The following FCHSD1 variants were observed in gnomAD, a reference collection of about 807,000 sequenced individuals.
FCHSD1 encodes the protein FCH and double SH3 domains 1.
A neutral mutation model predicts 101.3 loss-of-function variants in FCHSD1; 109 were observed. The observed-to-expected ratio is 1.08, with a 90% CI of 0.92 to 1.26. The LOEUF (loss-of-function observed/expected upper bound fraction) is 1.26, where lower values mean the gene tolerates loss of function less well. Ranked by LOEUF, FCHSD1 falls within the 50% of genes most tolerant of loss-of-function variation. The pLI, the probability that FCHSD1 is intolerant of heterozygous loss-of-function variation, is 0.00. For synonymous variants in FCHSD1, 291 were observed against 356.8 expected, an observed-to-expected ratio of 0.82 and a Z score of 2.08; for missense variants, 820 against 895.8, an observed-to-expected ratio of 0.92 and a Z score of 1.08.
chr5:141,644,580 C>A lies in FCHSD1; in HGVS notation c.1635G>T (p.Glu545Asp). 6.2e-7 allele frequency: 1 copy of A among 1,613,904 alleles called. No homozygotes were observed. The highest frequency in any genetic ancestry group is 8.5e-7 in the Non-Finnish European group (1 of 1,179,808). Reference protein sequence around the residue: ...SQDSDNPCGAEPTAFLAQALY... With the variant: ...SQDSDNPCGADPTAFLAQALY... Reference sequence around the variant, plus strand: ...AAAATTTCCCTTTCTTACCTGTGGGCTCTGCCCCGCAGGGATTGTCACTGT... The same window carrying A: ...AAAATTTCCCTTTCTTACCTGTGGGATCTGCCCCGCAGGGATTGTCACTGT... Residue 545 changes from glutamate to aspartate, a missense_variant, in exon 16 of 20, where the codon GAG becomes GAT. Glu to Asp is a conservative substitution (Grantham distance 45). Transcript: ENST00000435817.
Position 141,647,448 on chromosome 5 carries a change from C to T in FCHSD1, c.778G>A (p.Ala260Thr), listed in dbSNP as rs376436093. ...TGGGCATGCTCCAGGATGACCTCTG[C>T]GGCTTCCAGCTCAGTGTGGCTCAGG... Reference protein sequence around the residue: ...TSLSHTELEAAEVILEHAHRG... With the variant: ...TSLSHTELEATEVILEHAHRG... The change falls in exon 9 of 20, where the codon GCA (alanine) becomes ACA (threonine). Residue 260 changes from alanine to threonine, a missense_variant. Physicochemically the swap from Ala to Thr is moderately conservative, Grantham distance 58. Coordinates refer to ENST00000435817, the MANE Select transcript of FCHSD1 (RefSeq NM_033449.3). 4.3e-5 allele frequency: 70 copies of T among 1,610,928 alleles called. No homozygotes were observed. The highest frequency in any genetic ancestry group is 3.3e-4 in the Middle Eastern group (2 of 6,036).
At chr5:141,648,140 G>A in intron 7 of FCHSD1, 44 bp from the exon 8 acceptor site, 1 of 1,563,278 alleles carries the variant, frequency 6.4e-7, no homozygotes, top group Non-Finnish European at 8.7e-7. Flanking sequence ...TAGACCCCCA[G>A]AGTCCTTCCA....
In FCHSD1 at chr5:141,650,679, T is replaced by C. The variant is rs1049299889; in HGVS notation, c.120-275A>G. On this transcript the variant is annotated intron_variant, in intron 2 of 19. Coordinates refer to ENST00000435817, the MANE Select transcript of FCHSD1 (RefSeq NM_033449.3). ...CTGTAGGCTTAGAGGTGAAGACTGATGGGGGCCTGGGTACGATGTCTGCCA... is the reference window on the plus strand; with the variant it reads ...CTGTAGGCTTAGAGGTGAAGACTGACGGGGGCCTGGGTACGATGTCTGCCA... Among the ~76,000 whole-genome samples the C allele has an allele frequency of 7.2e-5, 11 of 152,034 alleles. No individual in the cohort carries two copies. In the South Asian group the frequency reaches 2.3e-3, roughly 32 times the overall value.
rs2099908328 is a variant in FCHSD1, at chr5:141,651,071, C to T, written c.68G>A (p.Ser23Asn). 1 of 1,598,818 alleles carries T rather than the reference C, an allele frequency of 6.3e-7. No individual in the cohort carries two copies. Among genetic ancestry groups the T allele is most frequent in the African/African-American group, 1.3e-5 (1 of 74,670 alleles). Reference protein sequence around the residue: ...EVKLRFLEQLSILQTWQQREA... With the variant: ...EVKLRFLEQLNILQTWQQREA... ...CCTCTGCTGCCAGGTCTGAAGGATG[C>T]TCAGCTGTTCCAGGAAGCGAAGCTT... The change falls in exon 2 of 20, where the codon AGC becomes AAC. Residue 23 changes from serine (S) to asparagine (N), a missense_variant. Physicochemically the swap from Ser to Asn is conservative, Grantham distance 46. Coordinates refer to ENST00000435817, the MANE Select transcript of FCHSD1 (RefSeq NM_033449.3).
intron 2 of FCHSD1, among the ~76,000 whole-genome samples, chr5:141,650,694 G>A (rs1481357377): frequency 6.6e-6 from 1 of 152,074 alleles, no homozygotes; most frequent in African/African-American, 2.4e-5. Flanking sequence ...GCCTGGGTAC[G>A]ATGTCTGCCA....
At chr5:141,643,291 G>A (rs1358038902) in intron 17 of FCHSD1, among the ~76,000 whole-genome samples, 1 of 152,024 alleles carries the variant, frequency 6.6e-6, no homozygotes, top group Non-Finnish European at 1.5e-5. Context: ...TGTCTCAAGT[G>A]TTCTGCTAGC....
intron 18 of FCHSD1, chr5:141,642,010 C>A: frequency 1.7e-6 from 1 of 575,406 alleles, no homozygotes; most frequent in Non-Finnish European, 3.1e-6. Flanking sequence ...GTCAAGAAAC[C>A]AATAATGAAA....
chr5:141,648,222 A>G, intron 7 of FCHSD1, 126 bp from the exon 8 acceptor site: 2 of 1,228,428 alleles, frequency 1.6e-6, no homozygotes, highest in South Asian at 3.3e-5. Flanking sequence ...CTGGCACTAC[A>G]CTAAAAATGT....
intron 17 of FCHSD1, 132 bp from the exon 18 acceptor site, chr5:141,643,220 G>GGGGT (rs1409513717): frequency 1.8e-6 from 1 of 558,612 alleles, no homozygotes; most frequent in Non-Finnish European, 2.8e-6. Context: ...TGCATTCGGT[G>GGGGT]GGGGGGTGTA....
At position 141,639,596 on chromosome 5, in the gene FCHSD1, G is replaced by A. The variant is rs201219952; in HGVS notation, c.*1902C>T. 2 of 1,613,880 alleles carry A rather than the reference G, an allele frequency of 1.2e-6. No homozygotes were observed. The highest frequency in any genetic ancestry group is 3.3e-5 in the Admixed American group (2 of 60,010). On this transcript the variant is annotated 3_prime_UTR_variant, in exon 20 of 20. Transcript: ENST00000435817. The surrounding 1 kb of genome is among the most constrained non-coding windows in gnomAD (Gnocchi z 4.4). ...CACTTGTCCGTCAGGGACGCTCCAA[G>A]GAAGGAAAAAGCCGCCCCCGGACAG...
chr5:141,642,874 G>T, intron 18 of FCHSD1, 127 bp downstream of exon 18: 1 of 889,480 alleles, frequency 1.1e-6, no homozygotes, highest in Admixed American at 2.6e-5. Flanking sequence ...CCAGAGCCCA[G>T]GCAAGTGCTC....
chr5:141,648,518 T>C (rs577317069), intron 7 of FCHSD1, among the ~76,000 whole-genome samples: 13 of 152,214 alleles, frequency 8.5e-5, no homozygotes, highest in Non-Finnish European at 1.9e-4. Flanking sequence ...GCCAGCTCCT[T>C]CTTGACAGTT....
In FCHSD1 at chr5:141,641,526, T is replaced by C; in HGVS notation, c.2045A>G (p.Asp682Gly). The C allele has an allele frequency of 6.6e-7, 1 of 1,514,496 alleles. No homozygotes were observed. Among genetic ancestry groups the C allele is most frequent in the Non-Finnish European group, 8.8e-7 (1 of 1,130,834 alleles). 93.8% of individuals were successfully genotyped at this position (1,514,496 alleles called of 1,614,324 possible). ...PPPPPPAKAP[D>G]PGHPDPLT The stretch of plus-strand genomic sequence containing the variant: ...GGTGAGGGGATCTGGGTGGCCAGGA[T>C]CCGGGGCTTTAGCCGGCGGGGGAGG... Residue 682 changes from aspartate to glycine, a missense_variant, in exon 20 of 20, where the codon GAT becomes GGT. Asp to Gly is a moderately conservative substitution (Grantham distance 94, BLOSUM62 -1). Transcript: ENST00000435817.
At chr5:141,650,953 G>A (rs1317514507) in intron 2 of FCHSD1, 67 bp downstream of exon 2, 1 of 1,423,432 alleles carries the variant, frequency 7.0e-7, no homozygotes, top group Non-Finnish European at 9.7e-7. Context: ...CCCAGCACAT[G>A]TATATTGGGG....
chr5:141,645,799 C>T lies in FCHSD1; in HGVS notation c.1283G>A (p.Arg428Gln), dbSNP rs750534773. The change falls in exon 13 of 20, where the codon CGG becomes CAG. Residue 428 changes from arginine to glutamine, a missense_variant. Physicochemically the swap from Arg to Gln is conservative, Grantham distance 43. Transcript: ENST00000435817. ...TGGAGAGAGGTCCCTCTGGGACAGC[C>T]GAGCCTCACTGAGCCGCCGCTCCTG... Reference protein sequence around the residue: ...VEQERRLSEARLSQRDLSPTA... With the variant: ...VEQERRLSEAQLSQRDLSPTA... 8.1e-6 allele frequency: 13 copies of T among 1,610,392 alleles called. No homozygotes were observed. Among genetic ancestry groups the T allele is most frequent in the Admixed American group, 3.4e-5 (2 of 59,394 alleles).
chr5:141,644,146 T>C lies in FCHSD1; in HGVS notation c.1863+72A>G, dbSNP rs1469301605. On this transcript the variant is annotated intron_variant, in intron 17 of 19. Coordinates refer to ENST00000435817, the MANE Select transcript of FCHSD1 (RefSeq NM_033449.3). Reference sequence around the variant, plus strand: ...GGAGCAGAGGAGGCATTAAGATGAATATGAGGCTTTATTGGGGTGGGAGGG... The same window carrying C: ...GGAGCAGAGGAGGCATTAAGATGAACATGAGGCTTTATTGGGGTGGGAGGG... 7.2e-6 allele frequency: 10 copies of C among 1,383,978 alleles called. No homozygotes were observed. The East Asian group carries it at 2.2e-4, about 31-fold the overall frequency. The allele number at this position is 1,383,978 out of a possible 1,614,324, so 85.7% of individuals were successfully genotyped here.
At chr5:141,642,529 G>T in intron 18 of FCHSD1, 1 of 536,580 alleles carries the variant, frequency 1.9e-6, no homozygotes, top group South Asian at 2.5e-5. Flanking sequence ...AAATAAAACT[G>T]CTATAGACAT....
chr5:141,641,303 A>G lies in FCHSD1; in HGVS notation c.*195T>C. On this transcript the variant is annotated 3_prime_UTR_variant, in exon 20 of 20. Transcript: ENST00000435817. The stretch of plus-strand genomic sequence containing the variant: ...GAAGGTAGTTCCGGTCCTAGAGATG[A>G]TAGAACAATGGGAAAAAAAGGAGTG... 1.9e-6 allele frequency: 1 copy of G among 514,664 alleles called. No homozygotes were observed. 31.9% of individuals were successfully genotyped at this position (514,664 alleles called of 1,614,324 possible). A position where few individuals can be genotyped will look rare whatever the true frequency, so the allele number is the denominator to read the frequency against.
At chr5:141,642,192 C>T (rs374708607) in intron 18 of FCHSD1, 1 of 533,602 alleles carries the variant, frequency 1.9e-6, no homozygotes, top group Admixed American at 3.7e-5. Context: ...AAATCATGTC[C>T]TCTGCAGCAA....
Sources: allele counts gnomAD v4.1 joint callset (sites outside exome capture counted in the v4.1 genomes callset), GRCh38; gene constraint gnomAD v4.1.1; non-coding constraint Gnocchi (gnomAD v3.1); transcripts MANE v1.5; gene names NCBI Gene and HGNC (gene_info 2026-07-23, HGNC 2026-07-21).